Variants in CDC7 observed in about 807,000 individuals in gnomAD.
The protein encoded by CDC7 is cell division cycle 7.
A neutral mutation model predicts 53.5 loss-of-function variants in CDC7; 34 were observed. That is an observed-to-expected ratio of 0.64 (90% CI 0.48 to 0.85). CDC7 has a LOEUF of 0.85. CDC7 is among the 40% of genes least tolerant of loss of function. The pLI is 0.00. For missense variants in CDC7, 594 were observed against 679.7 expected, an observed-to-expected ratio of 0.87 and a Z score of 1.40; for synonymous variants, 211 against 222.8, an observed-to-expected ratio of 0.95 and a Z score of 0.47.
At chr1:91,508,229 A>G (rs757721916) in intron 3 of CDC7, 33 bp from the exon 4 acceptor site, 1 of 1,541,388 alleles carries the variant, frequency 6.5e-7, no homozygotes, top group Non-Finnish European at 8.8e-7. Flanking sequence ...TTTAAAAACC[A>G]GATATTGAAA....
Position 91,515,788 on chromosome 1 carries a change from C to T in CDC7, c.1098-6C>T. ...CATAACTAGAGAAATCTTATTTCAT[C>T]ATAAGGCGTCAGCAGGTTGCCCCTA... On this transcript the variant is annotated splice_region_variant and splice_polypyrimidine_tract_variant and intron_variant, in intron 9 of 11. Transcript: ENST00000234626. 1.5e-5 allele frequency: 24 copies of T among 1,613,086 alleles called. No individual in the cohort carries two copies. Among genetic ancestry groups the T allele is most frequent in the Non-Finnish European group, 2.0e-5 (24 of 1,179,596 alleles).
chr1:91,522,256 C>T (rs1667991138), intron 11 of CDC7, among the ~76,000 whole-genome samples: 1 of 152,190 alleles, frequency 6.6e-6, no homozygotes, highest in African/African-American at 2.4e-5. Flanking sequence ...CTTACTATAA[C>T]TTTGGACTGA....
Position 91,520,274 on chromosome 1 carries a change from C to CT in CDC7, c.1329dup (p.Gly444TrpfsTer7). 6.3e-7 allele frequency: 1 copy of CT among 1,593,622 alleles called. No homozygotes were observed. The highest frequency in any genetic ancestry group is 8.5e-7 in the Non-Finnish European group (1 of 1,172,010). On this transcript the variant is annotated frameshift_variant, in exon 11 of 12. Transcript: ENST00000234626. LOFTEE classifies it low-confidence loss of function (END_TRUNC). ...AGAGAAACTATCCAAGCTGCTAAAA[C>CT]TTTTGGTAAGCAGTTTTGTATTATA... is the stretch of plus-strand genomic sequence containing the variant.
At position 91,501,952 on chromosome 1, in the gene CDC7, G is replaced by GA. The variant is rs1403525397; in HGVS notation, c.115+122dup. 7 of 760,890 alleles carry GA rather than the reference G, an allele frequency of 9.2e-6. No individual in the cohort carries two copies. The African/African-American group carries it at 1.2e-4, about 13-fold the overall frequency. 47.1% of individuals were successfully genotyped at this position (760,890 alleles called of 1,614,324 possible). A position where few individuals can be genotyped will look rare whatever the true frequency, so the allele number is the denominator to read the frequency against. On this transcript the variant is annotated intron_variant, in intron 2 of 11. Coordinates refer to ENST00000234626, the MANE Select transcript of CDC7 (RefSeq NM_003503.4). Reference sequence around the variant, plus strand: ...TAAAGTGAATTGTATGTTTCTATAGGACAGTGTTAAAACAGAGCTTCGTAT... The same window carrying GA: ...TAAAGTGAATTGTATGTTTCTATAGGAACAGTGTTAAAACAGAGCTTCGTAT...
At chr1:91,513,922 T>C (rs777168500) in intron 7 of CDC7, 26 bp from the exon 8 acceptor site, 67 of 1,504,018 alleles carry the variant, frequency 4.5e-5, no homozygotes, top group Admixed American at 1.0e-4. Flanking sequence ...TAATCCTTAT[T>C]TTCCTTGTTT....
chr1:91,517,768 A>T (rs924500695), intron 10 of CDC7, among the ~76,000 whole-genome samples: 3 of 152,072 alleles, frequency 2.0e-5, no homozygotes, highest in Non-Finnish European at 2.9e-5. Flanking sequence ...TGGAGAAAAC[A>T]TTGAAGGAGC....
chr1:91,515,122 A>G, intron 9 of CDC7, 125 bp downstream of exon 9: 1 of 641,110 alleles, frequency 1.6e-6, no homozygotes, highest in Non-Finnish European at 2.7e-6. Flanking sequence ...ATGGGCCTTG[A>G]TGCAGAGCAG....
intron 6 of CDC7, 135 bp downstream of exon 6, chr1:91,512,058 A>G: frequency 1.5e-6 from 1 of 649,022 alleles, no homozygotes; most frequent in East Asian, 2.9e-5. Flanking sequence ...TATTTATCTC[A>G]GTTACCCATC....
At chr1:91,520,576 C>G (rs1307743594) in intron 11 of CDC7, among the ~76,000 whole-genome samples, 1 of 152,120 alleles carries the variant, frequency 6.6e-6, no homozygotes, top group Non-Finnish European at 1.5e-5. Context: ...TATGGTTTGA[C>G]TTTTATTACA....
chr1:91,508,166 T>A, intron 3 of CDC7, 96 bp from the exon 4 acceptor site: 1 of 938,084 alleles, frequency 1.1e-6, no homozygotes, highest in East Asian at 2.7e-5. Flanking sequence ...TTTAATGTAT[T>A]ATGCCATTGA....
chr1:91,515,141 TGAA>T, intron 9 of CDC7, 144 bp downstream of exon 9: 1 of 534,588 alleles, frequency 1.9e-6, no homozygotes, highest in Non-Finnish European at 3.3e-6. Context: ...AGTAGTATGT[TGAA>T]GAGCAAATGA....
chr1:91,502,815 A>C (rs1000616845), intron 2 of CDC7, among the ~76,000 whole-genome samples: 2 of 151,946 alleles, frequency 1.3e-5, no homozygotes, highest in Non-Finnish European at 2.9e-5. Context: ...GCCTGCTTGC[A>C]CTTTTCCATT....
intron 3 of CDC7, 83 bp from the exon 4 acceptor site, chr1:91,508,179 C>A: frequency 9.1e-7 from 1 of 1,094,720 alleles, no homozygotes; most frequent in Non-Finnish European, 1.3e-6. Flanking sequence ...GCCATTGAAA[C>A]AGTTTTTACA....
In CDC7 at chr1:91,524,697, C is replaced by G. The variant is rs1337550733; in HGVS notation, c.*262C>G. 3 of 353,440 alleles carry G rather than the reference C, an allele frequency of 8.5e-6. No homozygotes were observed. Among genetic ancestry groups the G allele is most frequent in the Non-Finnish European group, 1.5e-5 (3 of 197,962 alleles). The allele number at this position is 353,440 out of a possible 1,614,324, so 21.9% of individuals were successfully genotyped here. On this transcript the variant is annotated 3_prime_UTR_variant, in exon 12 of 12. Coordinates refer to ENST00000234626, the MANE Select transcript of CDC7 (RefSeq NM_003503.4). ...GGTTCCTATTAGGTCAGATTTTTAG[C>G]TTCCCTAATTACCTTTCACTGACAT...
At chr1:91,517,894 G>A (rs959239346) in intron 10 of CDC7, among the ~76,000 whole-genome samples, 1 of 151,818 alleles carries the variant, frequency 6.6e-6, no homozygotes, top group Admixed American at 6.6e-5. Context: ...TCAGGAGTTC[G>A]AGATCAGCCT....
Position 91,501,752 on chromosome 1 carries a change from A to G in CDC7, c.36A>G (p.Pro12=). ...CTTTGGGGATTCAGATGGATGAGCC[A>G]ATGGCTTTTTCTCCCCAGCGTGACC... ...EASLGIQMDE[P]MAFSPQRDRF... Residue 12 remains proline, a synonymous_variant, in exon 2 of 12, where the codon CCA becomes CCG. Coordinates refer to ENST00000234626, the MANE Select transcript of CDC7 (RefSeq NM_003503.4). The G allele has an allele frequency of 6.2e-7, 1 of 1,614,102 alleles. No homozygotes were observed. The highest frequency in any genetic ancestry group is 8.5e-7 in the Non-Finnish European group (1 of 1,179,992).
chr1:91,521,376 GCTAT>G (rs1407520468), intron 11 of CDC7, among the ~76,000 whole-genome samples: 14 of 152,176 alleles, frequency 9.2e-5, no homozygotes. Context: ...ATGCACTAGT[GCTAT>G]AGTCTAATCT....
chr1:91,519,171 G>A (rs1053329692), intron 10 of CDC7, among the ~76,000 whole-genome samples: 1 of 151,178 alleles, frequency 6.6e-6, no homozygotes, highest in South Asian at 2.1e-4. Context: ...AGTACTTTGA[G>A]GGGCTGAGGC....
rs1249223120 is a variant in CDC7 at position 91,525,545 on chromosome 1, G to C, written c.*1110G>C. ...AAGTCTGGTGGGTGGTCAGCTGACA[G>C]ATTTCCCATTTAGTAGTCATAGAAT... On this transcript the variant is annotated 3_prime_UTR_variant, in exon 12 of 12. Coordinates refer to ENST00000234626, the MANE Select transcript of CDC7 (RefSeq NM_003503.4). The C allele has an allele frequency of 6.6e-6, 1 of 152,116 alleles. No homozygotes were observed. Among genetic ancestry groups the C allele is most frequent in the East Asian group, 1.9e-4 (1 of 5,200 alleles). 9.4% of individuals were successfully genotyped at this position (152,116 alleles called of 1,614,324 possible).
Sources: gnomAD v4.1 joint callset for allele counts (sites outside exome capture counted in the v4.1 genomes callset) on GRCh38, gnomAD v4.1.1 for gene constraint, MANE v1.5 for transcripts, NCBI Gene and HGNC (gene_info 2026-07-23, HGNC 2026-07-21) for gene names.